Variants in ADGRL3 observed in about 807,000 individuals in gnomAD.
The protein encoded by ADGRL3 is calcium-independent alpha-latrotoxin receptor 3.
A neutral mutation model predicts 153.5 loss-of-function variants in ADGRL3; 62 were observed. The observed-to-expected ratio is 0.40, with a 90% confidence interval of 0.33 to 0.50. The LOEUF (loss-of-function observed/expected upper bound fraction) is 0.50. Among genes scored for constraint, ADGRL3 ranks in the 20% least tolerant of loss-of-function variants. The pLI, the probability that ADGRL3 is intolerant of heterozygous loss-of-function variation, is 0.47. For missense variants in ADGRL3, 1,641 were observed against 1,859.4 expected (o/e 0.88, Z 2.16); for synonymous variants, 710 against 672.5 (o/e 1.06, Z -0.86).
chr4:61,734,116 T>A, intron 8 of ADGRL3, among the ~76,000 whole-genome samples: 1 of 152,360 alleles, frequency 6.6e-6, no homozygotes, highest in Admixed American at 6.5e-5. Context: ...AGTAAAAATA[T>A]ACCTCAATTT....
At chr4:61,232,673 CTAT>C (rs1014926102) in intron 1 of ADGRL3, among the ~76,000 whole-genome samples, 11 of 151,982 alleles carry the variant, frequency 7.2e-5, no homozygotes, top group African/African-American at 2.4e-4. Flanking sequence ...ATAGCACTTG[CTAT>C]TATTATTATT....
At chr4:62,007,245 A>G (rs2099162383) in intron 21 of ADGRL3, among the ~76,000 whole-genome samples, 1 of 149,928 alleles carries the variant, frequency 6.7e-6, no homozygotes, top group Non-Finnish European at 1.5e-5. Flanking sequence ...TCTGAATCAA[A>G]TGACCACTCC....
intron 22 of ADGRL3, among the ~76,000 whole-genome samples, chr4:62,029,243 C>T (rs567486067): frequency 1.3e-5 from 2 of 151,748 alleles, no homozygotes; most frequent in East Asian, 1.9e-4. Flanking sequence ...GGGCATCATT[C>T]ATCTAAAATT....
chr4:61,319,834 AT>A, intron 1 of ADGRL3, among the ~76,000 whole-genome samples: 1 of 152,316 alleles, frequency 6.6e-6, no homozygotes, highest in South Asian at 2.1e-4. Flanking sequence ...CATTTTACAT[AT>A]AAAATCTATT....
chr4:61,518,768 T>C (rs1283626427), intron 4 of ADGRL3, among the ~76,000 whole-genome samples: 1 of 152,190 alleles, frequency 6.6e-6, no homozygotes, highest in African/African-American at 2.4e-5. Flanking sequence ...TGCAATACCA[T>C]AGAAGCCTGT....
chr4:61,368,806 A>G (rs1235705192), intron 1 of ADGRL3, among the ~76,000 whole-genome samples: 2 of 152,146 alleles, frequency 1.3e-5, no homozygotes, highest in Admixed American at 1.3e-4. Context: ...TTGAATCTGT[A>G]AATTACCTTG....
At chr4:61,937,090 G>A (rs2098842250) in intron 15 of ADGRL3, among the ~76,000 whole-genome samples, 1 of 152,122 alleles carries the variant, frequency 6.6e-6, no homozygotes, top group Admixed American at 6.5e-5. Context: ...AGATTCAGTA[G>A]AGCAAAATTA....
At chr4:61,596,216 G>A (rs547445917) in intron 5 of ADGRL3, among the ~76,000 whole-genome samples, 267 of 152,288 alleles carry the variant, frequency 1.8e-3, no homozygotes, top group Non-Finnish European at 2.0e-3. Context: ...GGGACAAACA[G>A]TGTATACTTC....
intron 9 of ADGRL3, among the ~76,000 whole-genome samples, chr4:61,862,048 A>C (rs952534317): frequency 2.0e-5 from 3 of 152,320 alleles, no homozygotes; most frequent in African/African-American, 7.2e-5. Context: ...CACTTTGGGA[A>C]CATTCTACTG....
chr4:61,979,347 G>A (rs752754931), intron 17 of ADGRL3, among the ~76,000 whole-genome samples: 1 of 152,158 alleles, frequency 6.6e-6, no homozygotes, highest in Non-Finnish European at 1.5e-5. Flanking sequence ...CGCTATTGGC[G>A]TCTCTGAATA....
chr4:61,918,149 A>G (rs2098753093), intron 13 of ADGRL3, among the ~76,000 whole-genome samples: 1 of 152,146 alleles, frequency 6.6e-6, no homozygotes, highest in South Asian at 2.1e-4. Flanking sequence ...AGAGGTTTTT[A>G]AAAAAATGAA....
chr4:61,775,333 C>T (rs1197558745), intron 8 of ADGRL3: 2 of 331,636 alleles, frequency 6.0e-6, no homozygotes, highest in African/African-American at 2.1e-5. Flanking sequence ...ATTTGAAATA[C>T]CATGACACAA....
intron 6 of ADGRL3, among the ~76,000 whole-genome samples, chr4:61,704,183 T>C (rs2095817069): frequency 6.6e-6 from 1 of 152,152 alleles, no homozygotes; most frequent in Non-Finnish European, 1.5e-5. Context: ...ACATCCAAGA[T>C]TGATTGAAAA....
intron 8 of ADGRL3, among the ~76,000 whole-genome samples, chr4:61,788,161 G>A (rs548048345): frequency 2.0e-5 from 3 of 152,048 alleles, no homozygotes; most frequent in Non-Finnish European, 4.4e-5. Context: ...TAACTCTACC[G>A]CCTGTAACAT....
intron 1 of ADGRL3, among the ~76,000 whole-genome samples, chr4:61,270,195 A>AAGGTTAAATGTCAG: frequency 6.6e-6 from 1 of 151,830 alleles, no homozygotes; most frequent in East Asian, 1.9e-4. Context: ...AGAATACATA[A>AAGGTTAAATGTCAG]AGGTTAAATG....
chr4:61,692,041 T>C (rs1050414682), intron 6 of ADGRL3, among the ~76,000 whole-genome samples: 1 of 152,148 alleles, frequency 6.6e-6, no homozygotes, highest in Non-Finnish European at 1.5e-5. Context: ...AAATAGATTA[T>C]GACTCTCCTA....
Position 61,531,476 on chromosome 4 carries a change from C to G in ADGRL3, c.259+13958C>G, listed in dbSNP as rs943955279. Reference sequence around the variant, plus strand: ...GGGATTCATTCAAGAGCCTTAGTGGCTTGATGTGGTGAGAGTGATGAACAA... The same window carrying G: ...GGGATTCATTCAAGAGCCTTAGTGGGTTGATGTGGTGAGAGTGATGAACAA... On this transcript the variant is annotated intron_variant, in intron 4 of 26. Coordinates refer to ENST00000683033, the MANE Select transcript of ADGRL3 (RefSeq NM_001387552.1). 9.2e-5 allele frequency among the ~76,000 whole-genome samples: 14 copies of G among 152,202 alleles called. 1 individual carries two copies. Among genetic ancestry groups the G allele is most frequent in the South Asian group, 6.2e-4 (3 of 4,816 alleles).
At chr4:61,553,349 T>A (rs1188846748) in intron 4 of ADGRL3, among the ~76,000 whole-genome samples, 2 of 152,134 alleles carry the variant, frequency 1.3e-5, no homozygotes, top group Admixed American at 1.3e-4. Flanking sequence ...CAAATAAGTA[T>A]AAATAAGCTT....
chr4:61,869,963 AGAGAGAGAGAGAAAGAGAGAGAGAGAGG>A (rs1267423369), intron 9 of ADGRL3, among the ~76,000 whole-genome samples: 757 of 93,162 alleles, frequency 8.1e-3, no homozygotes, highest in South Asian at 0.015. Flanking sequence ...AAAAAAAAAG[AGAGAGAGAGAGAAAGAGAGAGAGAGAGG>A]GAGAGAGAGA....
Sources: allele counts gnomAD v4.1 joint callset (sites outside exome capture counted in the v4.1 genomes callset), GRCh38; gene constraint gnomAD v4.1.1; transcripts MANE v1.5; gene names NCBI Gene and HGNC (gene_info 2026-07-23, HGNC 2026-07-21).